PRKACB: variants seen among roughly 807,000 people sequenced by gnomAD.
PRKACB encodes cAMP-dependent protein kinase catalytic subunit beta.
Under a neutral mutation model 51.4 loss-of-function variants are expected in PRKACB, and 16 were observed. The observed-to-expected ratio is 0.31, with a 90% CI of 0.21 to 0.47. PRKACB has a LOEUF of 0.47. PRKACB is among the 20% of genes least tolerant of loss of function. The pLI is 1.00. For missense variants in PRKACB, 309 were observed against 464.5 expected, an observed-to-expected ratio of 0.67 and a Z score of 3.08; for synonymous variants, 147 against 154.4, an observed-to-expected ratio of 0.95 and a Z score of 0.35.
intron 1 of PRKACB, among the ~76,000 whole-genome samples, chr1:84,137,920 C>T (rs1652987464): frequency 6.6e-6 from 1 of 152,132 alleles, no homozygotes; most frequent in Admixed American, 6.5e-5. Context: ...AGAATGAACT[C>T]ATGCTTTGCT....
At chr1:84,227,967 A>G (rs538650509) in intron 9 of PRKACB, among the ~76,000 whole-genome samples, 1 of 152,348 alleles carries the variant, frequency 6.6e-6, no homozygotes, top group East Asian at 1.9e-4. Flanking sequence ...AAACTGTACA[A>G]TCATTTTCTA....
chr1:84,131,306 T>A (rs1438467003), intron 1 of PRKACB, among the ~76,000 whole-genome samples: 1 of 149,140 alleles, frequency 6.7e-6, no homozygotes, highest in African/African-American at 2.5e-5. Flanking sequence ...ATGGCACCAC[T>A]GCACTCCAGC....
chr1:84,217,685 C>A (rs1673076304), intron 9 of PRKACB, among the ~76,000 whole-genome samples: 1 of 152,104 alleles, frequency 6.6e-6, no homozygotes, highest in South Asian at 2.1e-4. Flanking sequence ...CCCAGCTACC[C>A]TGGAGGCTGA....
At chr1:84,131,356 AATT>A (rs913834733) in intron 1 of PRKACB, among the ~76,000 whole-genome samples, 2 of 151,746 alleles carry the variant, frequency 1.3e-5, no homozygotes, top group South Asian at 2.1e-4. Context: ...AAAAAAAAAA[AATT>A]AATTCTAAGT....
At chr1:84,233,319 T>C (rs367725592) in intron 9 of PRKACB, among the ~76,000 whole-genome samples, 10 of 151,480 alleles carry the variant, frequency 6.6e-5, no homozygotes, top group South Asian at 2.1e-4. Context: ...GAGGGTAACC[T>C]GACCTTTCTC....
intron 1 of PRKACB, among the ~76,000 whole-genome samples, chr1:84,137,032 C>T (rs1439682554): frequency 6.6e-6 from 1 of 152,066 alleles, no homozygotes; most frequent in Non-Finnish European, 1.5e-5. Flanking sequence ...CTTCCTGCCA[C>T]CTTGTGAAGA....
intron 1 of PRKACB, chr1:84,086,082 A>G: frequency 4.7e-6 from 6 of 1,289,206 alleles, no homozygotes; most frequent in Non-Finnish European, 6.8e-6. Context: ...GCCAAGGTGT[A>G]TATTGATGAC....
At chr1:84,079,686 A>G (rs774653354) in intron 1 of PRKACB, among the ~76,000 whole-genome samples, 31 of 152,200 alleles carry the variant, frequency 2.0e-4, no homozygotes, top group Admixed American at 3.9e-4. Context: ...ATTTTTTGAG[A>G]TGGAGTTTCG....
intron 1 of PRKACB, among the ~76,000 whole-genome samples, chr1:84,080,912 A>G (rs984798136): frequency 6.6e-6 from 1 of 150,932 alleles, no homozygotes. Context: ...CAAAATATTC[A>G]CCAAATGTTT....
intron 1 of PRKACB, among the ~76,000 whole-genome samples, chr1:84,088,297 T>G (rs1433237186): frequency 1.3e-5 from 2 of 152,234 alleles, no homozygotes; most frequent in African/African-American, 4.8e-5. Context: ...CTTGTTTTGT[T>G]GTAAGATAAC....
chr1:84,109,326 A>G (rs561491715), intron 1 of PRKACB, among the ~76,000 whole-genome samples: 2 of 152,062 alleles, frequency 1.3e-5, no homozygotes, highest in East Asian at 1.9e-4. Context: ...GGTTGTATGA[A>G]TTTGCACTAC....
At chr1:84,121,853 C>A (rs1340949364) in intron 1 of PRKACB, among the ~76,000 whole-genome samples, 1 of 152,114 alleles carries the variant, frequency 6.6e-6, no homozygotes, top group Non-Finnish European at 1.5e-5. Context: ...CACACACTCT[C>A]TTTTCTGGGG....
At chr1:84,145,895 A>G (rs374823322) in intron 1 of PRKACB, among the ~76,000 whole-genome samples, 1 of 152,036 alleles carries the variant, frequency 6.6e-6, no homozygotes, top group African/African-American at 2.4e-5. Context: ...AAGTTAAATG[A>G]GGAATTAAGA....
intron 9 of PRKACB, among the ~76,000 whole-genome samples, chr1:84,226,733 C>CT (rs965024756): frequency 1.3e-5 from 2 of 152,026 alleles, no homozygotes; most frequent in Non-Finnish European, 2.9e-5. Flanking sequence ...ATTAGAATGT[C>CT]TAAAACAATA....
intron 7 of PRKACB, 38 bp downstream of exon 7, chr1:84,197,862 T>A (rs748301105): frequency 7.1e-7 from 1 of 1,414,048 alleles, no homozygotes; most frequent in African/African-American, 1.4e-5. Context: ...AGTAGAAATA[T>A]GAGACATGCA....
chr1:84,221,394 A>G (rs1349637471), intron 9 of PRKACB, among the ~76,000 whole-genome samples: 4 of 151,040 alleles, frequency 2.6e-5, no homozygotes, highest in Non-Finnish European at 5.9e-5. Context: ...TAAAAAAAAA[A>G]CCTTTCATTT....
At chr1:84,222,757 G>T (rs1461942421) in intron 9 of PRKACB, among the ~76,000 whole-genome samples, 4 of 152,174 alleles carry the variant, frequency 2.6e-5, no homozygotes, top group Non-Finnish European at 4.4e-5. Flanking sequence ...CATTTTTGAA[G>T]AAAGGTTTCT....
chr1:84,178,687 G>A (rs1256923741), intron 1 of PRKACB: 1 of 151,904 alleles, frequency 6.6e-6, no homozygotes, highest in East Asian at 1.9e-4. Flanking sequence ...TTTGCCATTA[G>A]TAAAGAGAAC....
At chr1:84,180,920 G>T (rs1237010464) in intron 2 of PRKACB, among the ~76,000 whole-genome samples, 1 of 151,964 alleles carries the variant, frequency 6.6e-6, no homozygotes, top group African/African-American at 2.4e-5. Context: ...TCATTATTTG[G>T]TTGGTACTAT....
Sources: allele counts gnomAD v4.1 joint callset (sites outside exome capture counted in the v4.1 genomes callset), GRCh38; gene constraint gnomAD v4.1.1; transcripts MANE v1.5; gene names NCBI Gene and HGNC (gene_info 2026-07-23, HGNC 2026-07-21).